KIAA1328: variants seen among roughly 807,000 people sequenced by gnomAD.
KIAA1328 encodes protein hinderin.
Under a neutral mutation model 68.1 loss-of-function variants are expected in KIAA1328, and 52 were observed. The observed-to-expected ratio is 0.76, with a 90% CI of 0.61 to 0.96. The LOEUF (loss-of-function observed/expected upper bound fraction) is 0.96. KIAA1328 is among the 40% of genes least tolerant of loss of function. The pLI is 0.00. For missense variants in KIAA1328, 641 were observed against 677.6 expected (o/e 0.95, Z 0.60); for synonymous variants, 232 against 239.4 (o/e 0.97, Z 0.28).
chr18:37,157,391 A>G (rs1177182984), intron 7 of KIAA1328, among the ~76,000 whole-genome samples: 2 of 152,208 alleles, frequency 1.3e-5, no homozygotes, highest in Non-Finnish European at 2.9e-5. Flanking sequence ...TTATCCATCC[A>G]GAACTTTAAA....
chr18:36,939,024 T>A (rs2050609161), intron 5 of KIAA1328, among the ~76,000 whole-genome samples: 1 of 152,188 alleles, frequency 6.6e-6, no homozygotes, highest in Admixed American at 6.5e-5. Context: ...CATACAGTGT[T>A]ATGCCTCCAG....
At chr18:37,041,678 A>G (rs1300395715) in intron 6 of KIAA1328, among the ~76,000 whole-genome samples, 2 of 140,392 alleles carry the variant, frequency 1.4e-5, no homozygotes, top group South Asian at 2.3e-4. Context: ...GTGTGTGTGT[A>G]TACACATTTT....
chr18:37,089,064 T>G (rs2057189907), intron 7 of KIAA1328, among the ~76,000 whole-genome samples: 2 of 152,048 alleles, frequency 1.3e-5, no homozygotes, highest in Admixed American at 1.3e-4. Flanking sequence ...TAATGGTTAT[T>G]TATCAGAGCT....
chr18:37,007,850 G>A (rs981814298), intron 6 of KIAA1328, among the ~76,000 whole-genome samples: 5 of 152,268 alleles, frequency 3.3e-5, no homozygotes, highest in East Asian at 1.9e-4. Context: ...AACTGTATAA[G>A]TAAACAAAAG....
intron 2 of KIAA1328, among the ~76,000 whole-genome samples, chr18:36,834,672 G>C (rs943110375): frequency 6.6e-6 from 1 of 151,984 alleles, no homozygotes; most frequent in Admixed American, 6.6e-5. Flanking sequence ...ATAAAAGTGT[G>C]ACTACTGCTT....
At chr18:37,099,061 G>A (rs953172077) in intron 7 of KIAA1328, among the ~76,000 whole-genome samples, 2 of 151,868 alleles carry the variant, frequency 1.3e-5, no homozygotes, top group African/African-American at 2.4e-5. Flanking sequence ...AGGGTTTTTT[G>A]TGTCTCTATT....
chr18:36,988,163 C>T (rs1456973225), intron 6 of KIAA1328, among the ~76,000 whole-genome samples: 1 of 152,128 alleles, frequency 6.6e-6, no homozygotes, highest in Non-Finnish European at 1.5e-5. Context: ...CATATATGAG[C>T]AATCAATTCT....
At chr18:36,995,912 G>A (rs1356407042) in intron 6 of KIAA1328, among the ~76,000 whole-genome samples, 1 of 152,160 alleles carries the variant, frequency 6.6e-6, no homozygotes, top group Non-Finnish European at 1.5e-5. Context: ...AGGGACAGAA[G>A]AACTTCCTTA....
At chr18:37,171,069 G>C (rs2059490457) in intron 8 of KIAA1328, among the ~76,000 whole-genome samples, 1 of 152,096 alleles carries the variant, frequency 6.6e-6, no homozygotes, top group Non-Finnish European at 1.5e-5. Flanking sequence ...GCTATATAAA[G>C]TTACTATTTA....
At chr18:36,957,450 C>T (rs1322262399) in intron 5 of KIAA1328, among the ~76,000 whole-genome samples, 1 of 152,018 alleles carries the variant, frequency 6.6e-6, no homozygotes, top group Non-Finnish European at 1.5e-5. Flanking sequence ...TATTTGTCTC[C>T]CAGGCACTGG....
intron 7 of KIAA1328, among the ~76,000 whole-genome samples, chr18:37,159,411 T>C (rs1283518376): frequency 6.6e-6 from 1 of 152,190 alleles, no homozygotes; most frequent in African/African-American, 2.4e-5. Flanking sequence ...TGCATTTCCA[T>C]GTCTTTTTCT....
intron 8 of KIAA1328, among the ~76,000 whole-genome samples, chr18:37,166,695 A>T (rs1007415529): frequency 2.0e-5 from 3 of 152,202 alleles, no homozygotes; most frequent in Non-Finnish European, 4.4e-5. Context: ...GGGCTGACAC[A>T]TGGAGCCTGC....
intron 7 of KIAA1328, among the ~76,000 whole-genome samples, chr18:37,116,732 G>A (rs1345975143): frequency 6.6e-6 from 1 of 152,126 alleles, no homozygotes. Context: ...GCAACCTACA[G>A]AATGGGAGAA....
At chr18:37,030,572 A>G (rs1029109568) in intron 6 of KIAA1328, among the ~76,000 whole-genome samples, 3 of 152,304 alleles carry the variant, frequency 2.0e-5, no homozygotes, top group African/African-American at 7.2e-5. Flanking sequence ...ACCATATCAT[A>G]TGATCTGGCC....
chr18:37,202,871 T>C (rs922824647), intron 9 of KIAA1328, among the ~76,000 whole-genome samples: 10 of 152,128 alleles, frequency 6.6e-5, no homozygotes, highest in African/African-American at 2.4e-4. Flanking sequence ...ACATTTGATA[T>C]CAAAAGTAAG....
chr18:37,081,390 A>T (rs1234764780), intron 7 of KIAA1328, among the ~76,000 whole-genome samples: 2 of 152,202 alleles, frequency 1.3e-5, no homozygotes, highest in Non-Finnish European at 2.9e-5. Context: ...AAATCTATCC[A>T]TTTAATTAAT....
intron 4 of KIAA1328, among the ~76,000 whole-genome samples, chr18:36,851,871 T>A (rs1427133746): frequency 6.6e-6 from 1 of 152,016 alleles, no homozygotes; most frequent in African/African-American, 2.4e-5. Flanking sequence ...AGGTGTAAAG[T>A]TAAGTTACTG....
chr18:36,982,698 T>A (rs1036711840), intron 6 of KIAA1328, among the ~76,000 whole-genome samples: 1 of 152,012 alleles, frequency 6.6e-6, no homozygotes, highest in Non-Finnish European at 1.5e-5. Flanking sequence ...ACTAATGGCA[T>A]GCACCAAAAC....
intron 7 of KIAA1328, among the ~76,000 whole-genome samples, chr18:37,128,963 T>C (rs976628596): frequency 9.2e-5 from 14 of 152,268 alleles, no homozygotes; most frequent in Admixed American, 4.6e-4. Context: ...AGCAAAACTA[T>C]GCAGACAGAA....
Sources: gnomAD v4.1 joint callset for allele counts (sites outside exome capture counted in the v4.1 genomes callset) on GRCh38, gnomAD v4.1.1 for gene constraint, MANE v1.5 for transcripts, NCBI Gene and HGNC (gene_info 2026-07-23, HGNC 2026-07-21) for gene names.